Variants in EYS observed in about 807,000 individuals in gnomAD.
EYS encodes EGF-like photoreceptor maintenance factor, also known as protein eyes shut homolog.
EYS carries 250 observed loss-of-function variants against 282.1 expected under a neutral mutation model. That is an observed-to-expected ratio of 0.89 (90% confidence interval 0.80 to 0.98). The LOEUF (loss-of-function observed/expected upper bound fraction) is 0.98. Ranked by LOEUF, EYS falls within the 50% of genes least tolerant of loss-of-function variation. The probability of loss-of-function intolerance (pLI) is 0.00; values close to 1 mark genes in which losing one functional copy is unlikely to be tolerated. For missense variants in EYS, 4,016 were observed against 3,709.0 expected (o/e 1.08, Z -2.15); for synonymous variants, 1,355 against 1,282.9 (o/e 1.06, Z -1.20).
At chr6:64,761,396 T>G (rs542186082) in intron 22 of EYS, among the ~76,000 whole-genome samples, 2 of 152,342 alleles carry the variant, frequency 1.3e-5, no homozygotes, top group South Asian at 2.1e-4. Flanking sequence ...ACAAGCTTTT[T>G]GTGAAGATTA....
chr6:64,399,381 TG>T (rs1279431166), intron 28 of EYS, among the ~76,000 whole-genome samples: 1 of 151,878 alleles, frequency 6.6e-6, no homozygotes, highest in Non-Finnish European at 1.5e-5. Flanking sequence ...ATTTATTTTC[TG>T]GTTTTCACCA....
chr6:64,321,466 C>T (rs898932421), intron 29 of EYS, among the ~76,000 whole-genome samples: 1 of 151,544 alleles, frequency 6.6e-6, no homozygotes, highest in African/African-American at 2.4e-5. Context: ...TAGCCACAAG[C>T]TAAAAGTCGA....
chr6:64,597,560 T>C (rs796284328), intron 24 of EYS, among the ~76,000 whole-genome samples: 10 of 152,218 alleles, frequency 6.6e-5, no homozygotes, highest in African/African-American at 2.4e-4. Context: ...TTTGTAGCAA[T>C]GTGGATGGAA....
At chr6:65,350,749 T>C (rs903906505) in intron 9 of EYS, among the ~76,000 whole-genome samples, 4 of 151,660 alleles carry the variant, frequency 2.6e-5, no homozygotes, top group East Asian at 3.9e-4. Flanking sequence ...AAACAGTGCA[T>C]GTCAGCTCTT....
intron 12 of EYS, among the ~76,000 whole-genome samples, chr6:65,165,728 G>C (rs1316582034): frequency 6.6e-6 from 1 of 150,714 alleles, no homozygotes; most frequent in East Asian, 2.0e-4. Flanking sequence ...ATTTTTTCCA[G>C]GGATATTAGG....
intron 22 of EYS, among the ~76,000 whole-genome samples, chr6:64,762,918 T>C (rs1038386620): frequency 1.3e-5 from 2 of 152,186 alleles, no homozygotes; most frequent in African/African-American, 2.4e-5. Flanking sequence ...ATTTATTTCA[T>C]AAAATACTCT....
At chr6:64,677,404 A>T (rs1003825998) in intron 22 of EYS, among the ~76,000 whole-genome samples, 7 of 152,092 alleles carry the variant, frequency 4.6e-5, no homozygotes, top group African/African-American at 1.7e-4. Context: ...GTTTTTCTAA[A>T]CTCCATATTT....
chr6:64,075,482 A>G (rs1771737518), intron 32 of EYS, among the ~76,000 whole-genome samples: 1 of 151,976 alleles, frequency 6.6e-6, no homozygotes, highest in Non-Finnish European at 1.5e-5. Context: ...AAACACTAGT[A>G]ATACACAACT....
At chr6:64,608,708 A>G (rs566797417) in intron 24 of EYS, among the ~76,000 whole-genome samples, 34 of 152,306 alleles carry the variant, frequency 2.2e-4, no homozygotes, top group African/African-American at 7.9e-4. Context: ...CATCTGGACA[A>G]TGGAACATTA....
Position 64,409,609 on chromosome 6 carries a change from C to T in EYS, c.5928-20769G>A, listed in dbSNP as rs75061487. ...GGTCATGAGGCTTTGGTTGAACTAACTTCACCAATTTTATATGTTGATTAT... is the reference window on the plus strand; with the variant it reads ...GGTCATGAGGCTTTGGTTGAACTAATTTCACCAATTTTATATGTTGATTAT... On this transcript the variant is annotated intron_variant, in intron 28 of 42. Coordinates refer to ENST00000503581, the MANE Select transcript of EYS (RefSeq NM_001142800.2). 6.1e-3 allele frequency among the ~76,000 whole-genome samples: 933 copies of T among 152,262 alleles called. 6 individuals carry two copies. The highest frequency in any genetic ancestry group is 0.021 in the African/African-American group (887 of 41,550).
intron 32 of EYS, among the ~76,000 whole-genome samples, chr6:64,070,347 T>A (rs1322787483): frequency 6.6e-6 from 1 of 152,138 alleles, no homozygotes; most frequent in Non-Finnish European, 1.5e-5. Context: ...ATTTATTGTA[T>A]AATAAGATAT....
At chr6:63,885,377 ATTC>A (rs954834269) in intron 35 of EYS, among the ~76,000 whole-genome samples, 8 of 152,160 alleles carry the variant, frequency 5.3e-5, no homozygotes, top group Non-Finnish European at 1.5e-5. Context: ...AGAACTAAAC[ATTC>A]TTCTCATAAT....
chr6:65,510,777 T>C (rs547264170), intron 2 of EYS, among the ~76,000 whole-genome samples: 80 of 152,316 alleles, frequency 5.3e-4, no homozygotes, highest in African/African-American at 1.7e-3. Context: ...AAATAAGGCA[T>C]GTATGTGTGT....
chr6:65,343,840 A>G (rs943834500), intron 10 of EYS, among the ~76,000 whole-genome samples, 198 bp downstream of exon 10: 8 of 151,532 alleles, frequency 5.3e-5, no homozygotes. Flanking sequence ...TTACTTTCCC[A>G]TATTATAAAT....
At chr6:65,385,753 T>C (rs1034725073) in intron 7 of EYS, among the ~76,000 whole-genome samples, 6 of 151,978 alleles carry the variant, frequency 3.9e-5, no homozygotes, top group Non-Finnish European at 7.4e-5. Context: ...AAGACCTTTA[T>C]GTATTTTACT....
chr6:64,163,348 T>C (rs1775166942), intron 31 of EYS, among the ~76,000 whole-genome samples: 1 of 152,128 alleles, frequency 6.6e-6, no homozygotes, highest in South Asian at 2.1e-4. Flanking sequence ...CTTAAAAAGT[T>C]CTTTCATCTA....
At chr6:64,763,528 A>C (rs2149980248) in intron 22 of EYS, among the ~76,000 whole-genome samples, 1 of 152,160 alleles carries the variant, frequency 6.6e-6, no homozygotes, top group Admixed American at 6.5e-5. Context: ...CCCAACACTA[A>C]AAATCCCAAC....
At chr6:65,412,105 A>C (rs1407440233) in intron 5 of EYS, among the ~76,000 whole-genome samples, 1 of 152,056 alleles carries the variant, frequency 6.6e-6, no homozygotes, top group Non-Finnish European at 1.5e-5. Flanking sequence ...TCCCTCTCTC[A>C]GCTCTTTACC....
intron 41 of EYS, among the ~76,000 whole-genome samples, chr6:63,730,515 G>A (rs1768756097): frequency 6.6e-6 from 1 of 152,196 alleles, no homozygotes; most frequent in African/African-American, 2.4e-5. Flanking sequence ...CCAAGGGGAA[G>A]TCATCACATT....
Sources: gnomAD v4.1 joint callset for allele counts (sites outside exome capture counted in the v4.1 genomes callset) on GRCh38, gnomAD v4.1.1 for gene constraint, MANE v1.5 for transcripts, NCBI Gene and HGNC (gene_info 2026-07-23, HGNC 2026-07-21) for gene names.